ADAMTS12: variants seen among roughly 807,000 people sequenced by gnomAD.
ADAMTS12 encodes ADAM metallopeptidase with thrombospondin type 1 motif 12, also known as A disintegrin and metalloproteinase with thrombospondin motifs 12.
A neutral mutation model predicts 167.8 loss-of-function variants in ADAMTS12; 118 were observed. The ratio of observed to expected loss-of-function variants is 0.70; its 90% CI spans 0.61 to 0.82. ADAMTS12 has a LOEUF of 0.82. Among genes scored for constraint, ADAMTS12 ranks in the 40% least tolerant of loss-of-function variants. ADAMTS12 has a pLI of 0.00. For synonymous variants in ADAMTS12, 704 were observed against 716.9 expected, an observed-to-expected ratio of 0.98 and a Z score of 0.29; for missense variants, 1,916 against 1,998.8, an observed-to-expected ratio of 0.96 and a Z score of 0.79.
intron 2 of ADAMTS12, among the ~76,000 whole-genome samples, chr5:33,753,273 A>G (rs1166386220): frequency 6.6e-6 from 1 of 152,232 alleles, no homozygotes; most frequent in Non-Finnish European, 1.5e-5. Context: ...CTATGCTTAC[A>G]TTGCTTAGAA....
At chr5:33,795,298 T>C (rs541953179) in intron 2 of ADAMTS12, among the ~76,000 whole-genome samples, 1 of 152,262 alleles carries the variant, frequency 6.6e-6, no homozygotes, top group Admixed American at 6.5e-5. Context: ...TGGAAATGTC[T>C]CAATATATTA....
At chr5:33,834,503 G>T (rs187683943) in intron 2 of ADAMTS12, among the ~76,000 whole-genome samples, 20 of 152,204 alleles carry the variant, frequency 1.3e-4, no homozygotes, top group African/African-American at 4.8e-4. Context: ...TAACTGCCAG[G>T]CATGTGTTAG....
intron 2 of ADAMTS12, among the ~76,000 whole-genome samples, chr5:33,868,704 C>T (rs1749919784): frequency 6.6e-6 from 1 of 152,190 alleles, no homozygotes; most frequent in Non-Finnish European, 1.5e-5. Flanking sequence ...GCAAGTTTGT[C>T]CAACCCATGG....
rs115291867 is a variant in ADAMTS12 at position 33,540,939 on chromosome 5, C to T, written c.4446+5120G>A. Among the ~76,000 whole-genome samples the T allele has an allele frequency of 8.3e-3, 1,262 of 152,302 alleles. 22 individuals carry two copies. Among genetic ancestry groups the T allele is most frequent in the African/African-American group, 0.027 (1,110 of 41,548 alleles). ...GAGTTCCTCTTCTCCTTCAAAGGAT[C>T]GTAGCTCCTCACCAGCACTGGAACA... On this transcript the variant is annotated intron_variant, in intron 22 of 23. Transcript: ENST00000504830.
At chr5:33,549,559 G>A (rs1467568533) in intron 20 of ADAMTS12, among the ~76,000 whole-genome samples, 176 bp from the exon 21 acceptor site, 1 of 152,220 alleles carries the variant, frequency 6.6e-6, no homozygotes, top group African/African-American at 2.4e-5. Flanking sequence ...AGCAGCTCCC[G>A]ATGTCGGGAA....
At chr5:33,769,948 C>T (rs1423485) in intron 2 of ADAMTS12, among the ~76,000 whole-genome samples, 19,086 of 152,174 alleles carry the variant, frequency 0.13, 1,567 homozygotes, top group East Asian at 0.4. Flanking sequence ...ATATACCCTT[C>T]TATAATTTTC....
chr5:33,766,553 T>C (rs940503025), intron 2 of ADAMTS12, among the ~76,000 whole-genome samples: 14 of 152,112 alleles, frequency 9.2e-5, no homozygotes, highest in African/African-American at 3.4e-4. Context: ...TTTTGACAAA[T>C]ATAATTTAAT....
At chr5:33,630,482 A>T (rs1739866524) in intron 13 of ADAMTS12, among the ~76,000 whole-genome samples, 1 of 152,212 alleles carries the variant, frequency 6.6e-6, no homozygotes, top group South Asian at 2.1e-4. Context: ...CCACTGAAAT[A>T]ATCTGGGCTG....
At chr5:33,716,807 C>A (rs529300291) in intron 3 of ADAMTS12, among the ~76,000 whole-genome samples, 20 of 152,220 alleles carry the variant, frequency 1.3e-4, no homozygotes, top group Non-Finnish European at 1.5e-5. Flanking sequence ...CTTCCAAAAT[C>A]CCCTGAAAAG....
chr5:33,739,675 T>G (rs541582516), intron 3 of ADAMTS12, among the ~76,000 whole-genome samples: 1 of 152,198 alleles, frequency 6.6e-6, no homozygotes, highest in Non-Finnish European at 1.5e-5. Context: ...GATGATGAGC[T>G]AGACACATCC....
At chr5:33,767,747 C>A (rs16891680) in intron 2 of ADAMTS12, among the ~76,000 whole-genome samples, 3,881 of 151,374 alleles carry the variant, frequency 0.026, 150 homozygotes, top group East Asian at 0.15. Context: ...CGGCTAAAGG[C>A]AGGGAAGAGG....
In ADAMTS12 at chr5:33,742,399, C is replaced by G. The variant is rs542236339; in HGVS notation, c.634+9005G>C. Among the ~76,000 whole-genome samples, 4 of 151,158 alleles carry G rather than the reference C, an allele frequency of 2.6e-5. No homozygotes were observed. In the East Asian group the frequency reaches 7.8e-4, roughly 29 times the overall value. The stretch of plus-strand genomic sequence containing the variant: ...GCTGCTGCACAGAAATGGGACACCA[C>G]GGGGGTGGGAGTGTTTGTCTTCCCA... On this transcript the variant is annotated intron_variant, in intron 3 of 23. Coordinates refer to ENST00000504830, the MANE Select transcript of ADAMTS12 (RefSeq NM_030955.4).
Position 33,649,564 on chromosome 5 carries a change from G to A in ADAMTS12, c.1324C>T (p.Arg442Cys), listed in dbSNP as rs745725544. ...WSKCSEEYIT[R>C]FLDRGWGFCL... is the part of the protein sequence containing the mutation. ...GACACTGTCACTTACTCCAAGAAGCGGGTGATGTACTCCTCGCTGCACTTG... is the reference window on the plus strand; with the variant it reads ...GACACTGTCACTTACTCCAAGAAGCAGGTGATGTACTCCTCGCTGCACTTG... Residue 442 changes from arginine to cysteine, a missense_variant, in exon 8 of 24, where the codon CGC becomes TGC. Coordinates refer to ENST00000504830, the MANE Select transcript of ADAMTS12 (RefSeq NM_030955.4). The A allele has an allele frequency of 6.8e-6, 11 of 1,613,614 alleles. No individual in the cohort carries two copies. Among genetic ancestry groups the A allele is most frequent in the Admixed American group, 3.3e-5 (2 of 60,020 alleles).
Position 33,891,897 on chromosome 5 carries a change from G to A in ADAMTS12, c.-41C>T, listed in dbSNP as rs755062377. On this transcript the variant is annotated 5_prime_UTR_variant, in exon 1 of 24. Coordinates refer to ENST00000504830, the MANE Select transcript of ADAMTS12 (RefSeq NM_030955.4). The stretch of plus-strand genomic sequence containing the variant: ...GAGAAGAAAAGTCAAAAAAGTTTTA[G>A]CCCTCAGCTCCAGAAATAAAGCGCT... 1.2e-6 allele frequency: 2 copies of A among 1,602,410 alleles called. No homozygotes were observed. Among genetic ancestry groups the A allele is most frequent in the Admixed American group, 3.4e-5 (2 of 58,162 alleles).
chr5:33,751,307 G>A, intron 3 of ADAMTS12, 97 bp downstream of exon 3: 2 of 1,462,916 alleles, frequency 1.4e-6, no homozygotes, highest in Admixed American at 1.8e-5. Context: ...ATACAGAGGA[G>A]ATAAGAGACT....
chr5:33,629,059 C>G (rs938522240), intron 13 of ADAMTS12, among the ~76,000 whole-genome samples: 1 of 152,174 alleles, frequency 6.6e-6, no homozygotes, highest in Non-Finnish European at 1.5e-5. Context: ...CCTATTAATT[C>G]GGGATCTCTG....
At chr5:33,538,926 G>C (rs993704301) in intron 22 of ADAMTS12, among the ~76,000 whole-genome samples, 6 of 152,116 alleles carry the variant, frequency 3.9e-5, no homozygotes, top group African/African-American at 1.4e-4. Flanking sequence ...GGCAGAATCT[G>C]TCCATGGGAG....
chr5:33,704,890 T>C (rs1321732732), intron 3 of ADAMTS12, among the ~76,000 whole-genome samples: 2 of 152,024 alleles, frequency 1.3e-5, no homozygotes, highest in Non-Finnish European at 2.9e-5. Flanking sequence ...TTTGGTTTTA[T>C]AAGCAAGAAA....
At chr5:33,852,897 GAC>G (rs1749269683) in intron 2 of ADAMTS12, among the ~76,000 whole-genome samples, 5 of 152,262 alleles carry the variant, frequency 3.3e-5, no homozygotes, top group East Asian at 3.9e-4. Flanking sequence ...AGTTTATGGA[GAC>G]ACACAAAAAA....
Sources: allele counts gnomAD v4.1 joint callset (sites outside exome capture counted in the v4.1 genomes callset), GRCh38; gene constraint gnomAD v4.1.1; transcripts MANE v1.5; gene names NCBI Gene and HGNC (gene_info 2026-07-23, HGNC 2026-07-21).